ADGRD1: variants seen among roughly 807,000 people sequenced by gnomAD.
ADGRD1 encodes G-protein coupled receptor 133.
ADGRD1 carries 77 observed loss-of-function variants against 113.4 expected under a neutral mutation model. The ratio of observed to expected loss-of-function variants is 0.68; its 90% CI spans 0.57 to 0.82. The LOEUF (loss-of-function observed/expected upper bound fraction) is 0.82, where lower values mean the gene tolerates loss of function less well. ADGRD1 is among the 40% of genes least tolerant of loss of function. The probability of loss-of-function intolerance (pLI) is 0.00; values close to 1 mark genes in which losing one functional copy is unlikely to be tolerated. For synonymous variants in ADGRD1, 474 were observed against 475.0 expected, an observed-to-expected ratio of 1.00 and a Z score of 0.03; for missense variants, 1,036 against 1,139.1, an observed-to-expected ratio of 0.91 and a Z score of 1.30.
chr12:130,955,221 T>C (rs1449442004), intron 2 of ADGRD1, among the ~76,000 whole-genome samples: 3 of 150,944 alleles, frequency 2.0e-5, no homozygotes, highest in African/African-American at 4.9e-5. Flanking sequence ...CGCCTTGGCC[T>C]CCCAGAGTGC....
intron 13 of ADGRD1, among the ~76,000 whole-genome samples, chr12:131,065,520 C>G (rs1183776515): frequency 6.6e-6 from 1 of 152,198 alleles, no homozygotes; most frequent in Non-Finnish European, 1.5e-5. Flanking sequence ...GAGACAGGCC[C>G]TTGCCTGTCA....
chr12:131,139,381 T>C lies in ADGRD1; in HGVS notation c.*118T>C. 2.8e-6 allele frequency: 2 copies of C among 708,024 alleles called. No homozygotes were observed. Among genetic ancestry groups the C allele is most frequent in the South Asian group, 3.4e-5 (2 of 59,026 alleles). The allele number at this position is 708,024 out of a possible 1,614,324, so 43.9% of individuals were successfully genotyped here. ...TGCTGCTGTCTGGACATGGGTGTTG[T>C]GGCCCCGAGACAGCTGTCCTCCCCT... On this transcript the variant is annotated 3_prime_UTR_variant, in exon 25 of 25. Coordinates refer to ENST00000261654, the MANE Select transcript of ADGRD1 (RefSeq NM_198827.5).
intron 13 of ADGRD1, among the ~76,000 whole-genome samples, chr12:131,043,483 C>T (rs941180115): frequency 5.3e-5 from 8 of 152,208 alleles, no homozygotes; most frequent in Non-Finnish European, 7.3e-5. Context: ...TGGCTGTGGG[C>T]GTGTGGAACG....
chr12:130,984,110 A>T lies in ADGRD1; in HGVS notation c.490+2047A>T, dbSNP rs1300416631. The stretch of plus-strand genomic sequence containing the variant: ...GCTGATGCCAATGGCCTGTGGGCTG[A>T]GTTGGGTCCTCAGATGGGTTTTATG... On this transcript the variant is annotated intron_variant, in intron 5 of 24. Transcript: ENST00000261654. This position sits in a 1 kb window ranked among gnomAD's most constrained non-coding sequence, Gnocchi z 4.1. Among the ~76,000 whole-genome samples, 1 of 152,170 alleles carries T rather than the reference A, an allele frequency of 6.6e-6. No homozygotes were observed. The highest frequency in any genetic ancestry group is 1.5e-5 in the Non-Finnish European group (1 of 68,034).
At chr12:131,042,164 TAA>T (rs1882199628) in intron 13 of ADGRD1, among the ~76,000 whole-genome samples, 1 of 152,254 alleles carries the variant, frequency 6.6e-6, no homozygotes, top group Non-Finnish European at 1.5e-5. Flanking sequence ...ATTTTTTTGG[TAA>T]AGTTATGAAC....
intron 17 of ADGRD1, 49 bp downstream of exon 17, chr12:131,105,914 T>A (rs1463852571): frequency 1.4e-6 from 2 of 1,379,468 alleles, no homozygotes; most frequent in Admixed American, 3.6e-5. Context: ...CCTTGCCTCC[T>A]CGGATGTCAC....
At position 131,084,610 on chromosome 12, in the gene ADGRD1, C is replaced by T. The variant is rs147294464; in HGVS notation, c.1618C>T (p.Arg540Cys). ...TRGNLTYSVCRCTHLTNFAIL... is the reference protein window; with the variant it reads ...TRGNLTYSVCCCTHLTNFAIL... ...AGGAAACCTCACCTACTCCGTCTGC[C>T]GCTGCACTCACCTCACCAACTTTGC... Residue 540 changes from arginine to cysteine, a missense_variant, in exon 15 of 25, where the codon CGC becomes TGC. Coordinates refer to ENST00000261654, the MANE Select transcript of ADGRD1 (RefSeq NM_198827.5). This position sits in a 1 kb window ranked among gnomAD's most constrained non-coding sequence, Gnocchi z 4.5. 169 of 1,614,150 alleles carry T rather than the reference C, an allele frequency of 1.0e-4. No individual in the cohort carries two copies. Among genetic ancestry groups the T allele is most frequent in the African/African-American group, 1.9e-4 (14 of 75,036 alleles).
chr12:131,115,817 A>G (rs1950451108), intron 18 of ADGRD1, among the ~76,000 whole-genome samples: 2 of 152,120 alleles, frequency 1.3e-5, no homozygotes, highest in Non-Finnish European at 2.9e-5. Context: ...TTATTGCAAG[A>G]TCAGCTTCAT....
intron 13 of ADGRD1, among the ~76,000 whole-genome samples, chr12:131,036,803 A>C (rs1159189482): frequency 1.6e-3 from 221 of 135,968 alleles, no homozygotes; most frequent in Non-Finnish European, 2.9e-3. Context: ...ACTGGGTCTC[A>C]CTCACTGCCC....
rs146393993 is a variant in ADGRD1, at chr12:131,006,680, G to T, written c.1331+633G>T. On this transcript the variant is annotated intron_variant, in intron 12 of 24. Coordinates refer to ENST00000261654, the MANE Select transcript of ADGRD1 (RefSeq NM_198827.5). Reference sequence around the variant, plus strand: ...GGAGGGTGGGGACCATGAGGGGGGCGGCGAGGCTGGGGAGGATGAGGGAAA... The same window carrying T: ...GGAGGGTGGGGACCATGAGGGGGGCTGCGAGGCTGGGGAGGATGAGGGAAA... 4.2e-4 allele frequency among the ~76,000 whole-genome samples: 64 copies of T among 152,030 alleles called. No homozygotes were observed. The East Asian group carries it at 0.011, about 25-fold the overall frequency.
In ADGRD1 at chr12:131,084,352, C is replaced by A. The variant is rs1013389625; in HGVS notation, c.1548-188C>A. ...AGCAGCAGACACTCTCCAGCTCTCGCCAGCCTGATGGCCAGAATCTCTCCT... is the reference window on the plus strand; with the variant it reads ...AGCAGCAGACACTCTCCAGCTCTCGACAGCCTGATGGCCAGAATCTCTCCT... On this transcript the variant is annotated intron_variant, in intron 14 of 24. Transcript: ENST00000261654. The surrounding 1 kb of genome is among the most constrained non-coding windows in gnomAD (Gnocchi z 4.5). Among the ~76,000 whole-genome samples, 2 of 152,166 alleles carry A rather than the reference C, an allele frequency of 1.3e-5. No individual in the cohort carries two copies. The highest frequency in any genetic ancestry group is 3.9e-4 in the East Asian group (2 of 5,188).
At chr12:131,101,597 A>G (rs1950088938) in intron 15 of ADGRD1, among the ~76,000 whole-genome samples, 1 of 151,888 alleles carries the variant, frequency 6.6e-6, no homozygotes, top group Non-Finnish European at 1.5e-5. Flanking sequence ...CATGTTGGCC[A>G]GACTGGTCTC....
At chr12:131,029,716 C>G (rs574202728) in intron 13 of ADGRD1, among the ~76,000 whole-genome samples, 1 of 146,286 alleles carries the variant, frequency 6.8e-6, no homozygotes, top group African/African-American at 2.6e-5. Flanking sequence ...TTGTGGACCC[C>G]TCGTTCGGTG....
chr12:130,996,955 G>T (rs1317333611), intron 8 of ADGRD1, among the ~76,000 whole-genome samples: 15 of 137,386 alleles, frequency 1.1e-4, no homozygotes, highest in African/African-American at 4.2e-4. Context: ...CTGGCCGGGT[G>T]GGGGGCTGAC....
chr12:131,075,097 T>C lies in ADGRD1; in HGVS notation c.1474-1704T>C, dbSNP rs1240919690. Among the ~76,000 whole-genome samples, 1 of 152,190 alleles carries C rather than the reference T, an allele frequency of 6.6e-6. No individual in the cohort carries two copies. Among genetic ancestry groups the C allele is most frequent in the Non-Finnish European group, 1.5e-5 (1 of 68,032 alleles). On this transcript the variant is annotated intron_variant, in intron 13 of 24. Coordinates refer to ENST00000261654, the MANE Select transcript of ADGRD1 (RefSeq NM_198827.5). The surrounding 1 kb of genome is among the most constrained non-coding windows in gnomAD (Gnocchi z 5.3). ...TGAGAAGCCTTGCCACGTGTTGATG[T>C]GTATGGGTCTGGCTGCTGGCTTCCC...
At position 131,084,752 on chromosome 12, in the gene ADGRD1, C is replaced by A; in HGVS notation, c.1671+89C>A. On this transcript the variant is annotated intron_variant, in intron 15 of 24. Transcript: ENST00000261654. This position sits in a 1 kb window ranked among gnomAD's most constrained non-coding sequence, Gnocchi z 4.5. The stretch of plus-strand genomic sequence containing the variant: ...CGGGAGGATGCTTTGCCCGCCAGTG[C>A]CCACGGGCCCTGGGCACATTACTCC... The A allele has an allele frequency of 7.1e-7, 1 of 1,414,414 alleles. No homozygotes were observed. Among genetic ancestry groups the A allele is most frequent in the Non-Finnish European group, 9.8e-7 (1 of 1,023,220 alleles). The allele number at this position is 1,414,414 out of a possible 1,614,324, so 87.6% of individuals were successfully genotyped here. A position where few individuals can be genotyped will look rare whatever the true frequency, so the allele number is the denominator to read the frequency against.
At chr12:130,996,178 T>C (rs532561696) in intron 8 of ADGRD1, among the ~76,000 whole-genome samples, 32 of 149,836 alleles carry the variant, frequency 2.1e-4, no homozygotes, top group Admixed American at 1.1e-3. Flanking sequence ...TGTCTACTTC[T>C]TTCTACACAG....
At chr12:131,009,857 A>G (rs757974341) in intron 12 of ADGRD1, among the ~76,000 whole-genome samples, 1 of 152,212 alleles carries the variant, frequency 6.6e-6, no homozygotes, top group Non-Finnish European at 1.5e-5. Context: ...CTGCCAGATA[A>G]AGTGAACATG....
At chr12:130,956,300 C>T (rs1011381535) in intron 2 of ADGRD1, 1 of 152,288 alleles carries the variant, frequency 6.6e-6, no homozygotes, top group African/African-American at 2.4e-5. Context: ...GGCATCGTCG[C>T]CTCGCCACCA....
Sources: gnomAD v4.1 joint callset for allele counts (sites outside exome capture counted in the v4.1 genomes callset) on GRCh38, gnomAD v4.1.1 for gene constraint, Gnocchi (gnomAD v3.1) non-coding constraint, MANE v1.5 for transcripts, NCBI Gene and HGNC (gene_info 2026-07-23, HGNC 2026-07-21) for gene names.